The following DLGAP1 variants were observed in gnomAD, a reference collection of about 807,000 sequenced individuals.
DLGAP1 encodes the protein disks large-associated protein 1.
In DLGAP1, 11 loss-of-function variants were observed where a neutral mutation model predicts 90.8. The ratio of observed to expected loss-of-function variants is 0.12; its 90% CI spans 0.08 to 0.20. DLGAP1 has a LOEUF of 0.20. Ranked by LOEUF, DLGAP1 falls within the 10% of genes least tolerant of loss-of-function variation. The probability of loss-of-function intolerance (pLI) is 1.00; values close to 1 mark genes in which losing one functional copy is unlikely to be tolerated. For synonymous variants in DLGAP1, 558 were observed against 540.7 expected (o/e 1.03, Z -0.44); for missense variants, 1,050 against 1,333.8 (o/e 0.79, Z 3.31).
chr18:4,006,826 T>G (rs1184121155), intron 2 of DLGAP1, among the ~76,000 whole-genome samples: 1 of 152,090 alleles, frequency 6.6e-6, no homozygotes, highest in Non-Finnish European at 1.5e-5. Flanking sequence ...AAAAAATTTT[T>G]CTGTAGATAC....
chr18:3,762,028 C>A (rs115015963), intron 5 of DLGAP1, among the ~76,000 whole-genome samples: 3 of 152,188 alleles, frequency 2.0e-5, no homozygotes, highest in African/African-American at 7.2e-5. Context: ...TTCCCCCACC[C>A]TGAGGAGGCA....
chr18:3,830,458 G>A (rs768911442), intron 4 of DLGAP1, among the ~76,000 whole-genome samples: 11 of 152,152 alleles, frequency 7.2e-5, no homozygotes, highest in Non-Finnish European at 1.5e-4. Flanking sequence ...CCAGCTACTC[G>A]GGAGGCTGGG....
intron 3 of DLGAP1, among the ~76,000 whole-genome samples, chr18:3,997,122 C>T (rs1382124765): frequency 1.9e-5 from 1 of 52,668 alleles, no homozygotes; most frequent in African/African-American, 8.5e-5. Flanking sequence ...AAACCTTTCC[C>T]ACGGGAAAGG....
rs370217401 is a variant in DLGAP1, at chr18:4,168,986, T to C, written c.-266-17699A>G. ...ATGGGTTGTTTCCACCTTTTGGCTA[T>C]TGTGAATTAATATTGCTATGAGCAT... On this transcript the variant is annotated intron_variant, in intron 1 of 12. Coordinates refer to ENST00000315677, the MANE Select transcript of DLGAP1 (RefSeq NM_004746.4). Among the ~76,000 whole-genome samples, 28 of 152,360 alleles carry C rather than the reference T, an allele frequency of 1.8e-4. 2 individuals are homozygous for C. The highest frequency in any genetic ancestry group is 3.1e-4 in the African/African-American group (13 of 41,590).
chr18:4,056,048 T>A (rs2075210678), intron 2 of DLGAP1, among the ~76,000 whole-genome samples: 1 of 152,140 alleles, frequency 6.6e-6, no homozygotes, highest in Non-Finnish European at 1.5e-5. Context: ...TCATCTTCCC[T>A]TTAAAGATAG....
chr18:4,063,530 C>T (rs974961590), intron 2 of DLGAP1, among the ~76,000 whole-genome samples: 5 of 152,124 alleles, frequency 3.3e-5, no homozygotes, highest in Non-Finnish European at 7.4e-5. Flanking sequence ...ACAAGGCTGT[C>T]TTAAGTGGGG....
intron 3 of DLGAP1, among the ~76,000 whole-genome samples, chr18:3,906,992 A>T (rs1451846189): frequency 6.6e-6 from 1 of 152,272 alleles, no homozygotes; most frequent in Non-Finnish European, 1.5e-5. Context: ...AATTCAGTAT[A>T]GCAACAATTT....
chr18:4,171,261 C>T lies in DLGAP1; in HGVS notation c.-266-19974G>A, dbSNP rs56084517. 8.5e-3 allele frequency among the ~76,000 whole-genome samples: 1,288 copies of T among 152,066 alleles called. 15 individuals carry two copies. The highest frequency in any genetic ancestry group is 0.012 in the Non-Finnish European group (790 of 67,968). Reference sequence around the variant, plus strand: ...TAAAGATAGAAAGTATTTTGCCAGGCGCGGTGGCTCACACCTGTAATCCCA... The same window carrying T: ...TAAAGATAGAAAGTATTTTGCCAGGTGCGGTGGCTCACACCTGTAATCCCA... On this transcript the variant is annotated intron_variant, in intron 1 of 12. Coordinates refer to ENST00000315677, the MANE Select transcript of DLGAP1 (RefSeq NM_004746.4).
At chr18:4,426,403 C>T (rs959827314) in intron 1 of DLGAP1, among the ~76,000 whole-genome samples, 2 of 152,184 alleles carry the variant, frequency 1.3e-5, no homozygotes, top group African/African-American at 4.8e-5. Flanking sequence ...CTGGCGGTGA[C>T]TGCTTGTGCT....
At position 3,742,459 on chromosome 18, in the gene DLGAP1, C is replaced by T. The variant is rs1484783570; in HGVS notation, c.1226G>A (p.Arg409Lys). The T allele has an allele frequency of 1.9e-6, 3 of 1,614,178 alleles. No individual in the cohort carries two copies. The highest frequency in any genetic ancestry group is 2.5e-6 in the Non-Finnish European group (3 of 1,180,042). The change falls in exon 6 of 13, where the codon AGG (arginine) becomes AAG (lysine). Residue 409 changes from arginine (R) to lysine (K), a missense_variant. Around this residue, in one of 2 missense-constraint regions of DLGAP1, gnomAD observed 565 missense variants for 879.7 expected, o/e 0.64. Transcript: ENST00000315677. ...KLQIRSHSYL[R>K]AVSEVSINRS... ...GTTGATGGAGACTTCACTCACTGCC[C>T]TCAGGTAACTATGACTCCGGATCTG...
intron 2 of DLGAP1, among the ~76,000 whole-genome samples, chr18:4,046,512 C>T (rs2075056284): frequency 6.6e-6 from 1 of 152,180 alleles, no homozygotes; most frequent in African/African-American, 2.4e-5. Context: ...CAGGGGCGCA[C>T]AATCTGATAA....
chr18:4,289,062 A>G (rs1439732125), intron 1 of DLGAP1, among the ~76,000 whole-genome samples: 1 of 152,206 alleles, frequency 6.6e-6, no homozygotes, highest in Non-Finnish European at 1.5e-5. Context: ...ATAAATCTTC[A>G]GCCCAGGGCA....
chr18:3,580,823 A>C, intron 8 of DLGAP1: 5 of 1,504,252 alleles, frequency 3.3e-6, no homozygotes, highest in Non-Finnish European at 4.6e-6. Context: ...TGCCGTGCGG[A>C]CCGTGGAAAA....
chr18:3,787,875 T>G (rs769988900), intron 5 of DLGAP1, among the ~76,000 whole-genome samples: 1 of 152,186 alleles, frequency 6.6e-6, no homozygotes, highest in South Asian at 2.1e-4. Context: ...TTCTCTGAAG[T>G]GCCCTCACCT....
intron 1 of DLGAP1, among the ~76,000 whole-genome samples, chr18:4,152,163 G>A (rs116604111): frequency 0.012 from 1,852 of 152,166 alleles, 41 homozygotes; most frequent in African/African-American, 0.043. Flanking sequence ...ATCTGATGTC[G>A]AAAAGTGTAA....
intron 3 of DLGAP1, among the ~76,000 whole-genome samples, chr18:3,960,799 C>A (rs960298053): frequency 1.3e-5 from 2 of 152,180 alleles, no homozygotes; most frequent in African/African-American, 2.4e-5. Flanking sequence ...CAGCCAGGCC[C>A]CCTCTTGCAG....
intron 7 of DLGAP1, among the ~76,000 whole-genome samples, chr18:3,670,107 A>G (rs951588365): frequency 5.9e-5 from 9 of 152,224 alleles, no homozygotes; most frequent in Non-Finnish European, 1.2e-4. Flanking sequence ...AACAAAACAA[A>G]ACAAAACAAA....
At chr18:4,032,596 C>A (rs1468549002) in intron 2 of DLGAP1, among the ~76,000 whole-genome samples, 1 of 152,126 alleles carries the variant, frequency 6.6e-6, no homozygotes, top group African/African-American at 2.4e-5. Flanking sequence ...TAAATCAAAG[C>A]CTGTCCCTAG....
At position 3,860,837 on chromosome 18, in the gene DLGAP1, A is replaced by G. The variant is rs140238825; in HGVS notation, c.957+18275T>C. ...GATTAACAAATAATGAGAAAATGCT[A>G]AGAGAAATCTCTCCCGTTATACTCC... On this transcript the variant is annotated intron_variant, in intron 4 of 12. Coordinates refer to ENST00000315677, the MANE Select transcript of DLGAP1 (RefSeq NM_004746.4). 2.6e-5 allele frequency among the ~76,000 whole-genome samples: 4 copies of G among 152,360 alleles called. No individual in the cohort carries two copies. The East Asian group carries it at 7.7e-4, about 29-fold the overall frequency.
Sources: allele counts gnomAD v4.1 joint callset (sites outside exome capture counted in the v4.1 genomes callset), GRCh38; gene constraint gnomAD v4.1.1; regional missense constraint gnomAD v4.1.1; transcripts MANE v1.5; gene names NCBI Gene and HGNC (gene_info 2026-07-23, HGNC 2026-07-21).